Variants in ZCCHC2 observed in about 807,000 individuals in gnomAD.
ZCCHC2 encodes the protein zinc finger CCHC-type containing 2.
Under a neutral mutation model 103.6 loss-of-function variants are expected in ZCCHC2, and 39 were observed. That is an observed-to-expected ratio of 0.38 (90% CI 0.29 to 0.49). The LOEUF is 0.49. ZCCHC2 is among the 20% of genes least tolerant of loss of function. The pLI is 0.96. For synonymous variants in ZCCHC2, 687 were observed against 608.9 expected (o/e 1.13, Z -1.89); for missense variants, 1,483 against 1,491.0 (o/e 0.99, Z 0.09).
intron 1 of ZCCHC2, among the ~76,000 whole-genome samples, chr18:62,528,646 G>A (rs1179277225): frequency 1.3e-5 from 2 of 151,710 alleles, no homozygotes; most frequent in South Asian, 2.1e-4. Context: ...AGTTTAGTTA[G>A]CTAAATTGTA....
intron 1 of ZCCHC2, among the ~76,000 whole-genome samples, chr18:62,534,259 G>A (rs1468272774): frequency 6.6e-6 from 1 of 151,150 alleles, no homozygotes; most frequent in Non-Finnish European, 1.5e-5. Context: ...GAAGTGAGCC[G>A]TGATTGCGTT....
rs776848396 is a variant in ZCCHC2, at chr18:62,523,716, G to T, written c.292G>T (p.Val98Leu). The change falls in exon 1 of 14, where the codon GTA becomes TTA. Residue 98 changes from valine to leucine, a missense_variant. Physicochemically the swap from Val to Leu is conservative, Grantham distance 32 (BLOSUM62 1). This residue lies in a region of ZCCHC2 where 568 missense variants were observed against 525.1 expected (regional missense o/e 1.08). Transcript: ENST00000269499. ...PSAALREQER[V>L]YEWFGLVLGS... The stretch of plus-strand genomic sequence containing the variant: ...GGCGGCGCTGCGCGAGCAGGAGCGG[G>T]TATACGAGTGGTTCGGGCTGGTGCT... 7.9e-6 allele frequency: 12 copies of T among 1,513,830 alleles called. No individual in the cohort carries two copies. The highest frequency in any genetic ancestry group is 2.9e-5 in the African/African-American group (2 of 70,004). 93.8% of individuals were successfully genotyped at this position (1,513,830 alleles called of 1,614,324 possible). A position where few individuals can be genotyped will look rare whatever the true frequency, so the allele number is the denominator to read the frequency against.
In ZCCHC2 at chr18:62,563,172, T is replaced by C. The variant is rs2145521877; in HGVS notation, c.1686+28T>C. On this transcript the variant is annotated intron_variant, in intron 9 of 13. Coordinates refer to ENST00000269499, the MANE Select transcript of ZCCHC2 (RefSeq NM_017742.6). ...GTGTGGGGAGTTTGTTTTGGAGCTA[T>C]ATAGTTAAAGCATTGCTCCTCTATA... 1.9e-6 allele frequency: 3 copies of C among 1,599,104 alleles called. No homozygotes were observed. In the East Asian group the frequency reaches 6.7e-5, roughly 36 times the overall value.
In ZCCHC2 at chr18:62,523,609, C is replaced by T. The variant is rs1914169086; in HGVS notation, c.185C>T (p.Pro62Leu). Residue 62 changes from proline (P) to leucine (L), a missense_variant, in exon 1 of 14, where the codon CCG (proline) becomes CTG (leucine). This residue lies in a region of ZCCHC2 where 568 missense variants were observed against 525.1 expected (regional missense o/e 1.08). Transcript: ENST00000269499. ...GPSRGPLPPP[P>L]PPRGLGPPVA... ...TCGCGGGGCCCTCTGCCGCCGCCGC[C>T]GCCGCCCCGGGGACTCGGGCCGCCT... 2 of 1,144,946 alleles carry T rather than the reference C, an allele frequency of 1.7e-6. No homozygotes were observed. Among genetic ancestry groups the T allele is most frequent in the Non-Finnish European group, 2.1e-6 (2 of 933,788 alleles). 70.9% of individuals were successfully genotyped at this position (1,144,946 alleles called of 1,614,324 possible).
At chr18:62,578,626 G>T (rs1244837883), downstream of ZCCHC2, 2 of 152,552 alleles carry the variant, frequency 1.3e-5, no homozygotes, top group Non-Finnish European at 2.9e-5. Flanking sequence ...GTGGAGATAG[G>T]ACATCATACA....
intron 4 of ZCCHC2, among the ~76,000 whole-genome samples, chr18:62,548,376 G>A (rs1221788883): frequency 1.3e-5 from 2 of 152,172 alleles, no homozygotes; most frequent in African/African-American, 2.4e-5. Flanking sequence ...CTTACCTGCA[G>A]TCTGCCCAGC....
rs2145537431 is a variant in ZCCHC2, at chr18:62,575,011, C to G, written c.2930C>G (p.Thr977Arg). Residue 977 changes from threonine to arginine, a missense_variant, in exon 13 of 14, where the codon ACA (threonine) becomes AGA (arginine). Thr to Arg is a moderately conservative substitution (Grantham distance 71). Around this residue, in one of 3 missense-constraint regions of ZCCHC2, gnomAD observed 884 missense variants for 907.5 expected, o/e 0.97. Transcript: ENST00000269499. ...GCCCCGAGCCCAAGCCCTGCCTTGA[C>G]ACACAGTACCGCGCAGAGTGACAGC... Reference protein sequence around the residue: ...GPAPSPSPALTHSTAQSDSTS... With the variant: ...GPAPSPSPALRHSTAQSDSTS... 1 of 1,614,036 alleles carries G rather than the reference C, an allele frequency of 6.2e-7. No homozygotes were observed. The highest frequency in any genetic ancestry group is 2.2e-5 in the East Asian group (1 of 44,878).
In ZCCHC2 at chr18:62,575,322, G is replaced by A; in HGVS notation, c.3241G>A (p.Ala1081Thr). Reference protein sequence around the residue: ...LPFFLPQTPYANGLVHDPVMG... With the variant: ...LPFFLPQTPYTNGLVHDPVMG... ...TTTTTTTCTGCCTCAGACTCCATAT[G>A]CAAATGGACTGGTACATGACCCAGT... The change falls in exon 13 of 14, where the codon GCA (alanine) becomes ACA (threonine). Residue 1081 changes from alanine (A) to threonine (T), a missense_variant. By Grantham distance (58) the Ala-to-Thr change is moderately conservative (BLOSUM62 0). Around this residue, in one of 3 missense-constraint regions of ZCCHC2, gnomAD observed 884 missense variants for 907.5 expected, o/e 0.97. Transcript: ENST00000269499. 6.2e-7 allele frequency: 1 copy of A among 1,613,880 alleles called. No individual in the cohort carries two copies. Among genetic ancestry groups the A allele is most frequent in the Non-Finnish European group, 8.5e-7 (1 of 1,179,856 alleles).
chr18:62,528,455 C>T (rs533631245), intron 1 of ZCCHC2, among the ~76,000 whole-genome samples: 155 of 152,166 alleles, frequency 1.0e-3, no homozygotes, highest in African/African-American at 3.7e-3. Flanking sequence ...AAAAGTTAGC[C>T]GGGCATGGTG....
intron 3 of ZCCHC2, 83 bp from the exon 4 acceptor site, chr18:62,544,719 C>A: frequency 9.3e-7 from 1 of 1,076,026 alleles, no homozygotes; most frequent in South Asian, 1.6e-5. Flanking sequence ...TAAGTAAGGC[C>A]CTTTGTTTTT....
intron 12 of ZCCHC2, among the ~76,000 whole-genome samples, chr18:62,571,670 G>T (rs1916604345): frequency 6.6e-6 from 1 of 152,174 alleles, no homozygotes; most frequent in African/African-American, 2.4e-5. Flanking sequence ...ACGTCTGATT[G>T]GTAACACCTT....
chr18:62,586,603 G>A (rs1052317), exon 15 of ZCCHC2: 112,305 of 151,958 alleles, frequency 0.74, 42,096 homozygotes, highest in East Asian at 1. Flanking sequence ...ACCCACCACC[G>A]ACAAGCTAAG....
rs1335466874 is a variant in ZCCHC2 at position 62,574,306 on chromosome 18, C to T, written c.2225C>T (p.Pro742Leu). 6.2e-7 allele frequency: 1 copy of T among 1,613,938 alleles called. No homozygotes were observed. Among genetic ancestry groups the T allele is most frequent in the Non-Finnish European group, 8.5e-7 (1 of 1,179,912 alleles). Reference protein sequence around the residue: ...KSEVVVPAPKPADGKTIGMLV... With the variant: ...KSEVVVPAPKLADGKTIGMLV... ...GAAGTTGTCGTTCCTGCACCCAAAC[C>T]CGCTGATGGCAAAACCATAGGGATG... is the stretch of plus-strand genomic sequence containing the variant. The change falls in exon 13 of 14, where the codon CCC (proline) becomes CTC (leucine). Residue 742 changes from proline to leucine, a missense_variant. By Grantham distance (98) the Pro-to-Leu change is moderately conservative. Transcript: ENST00000269499.
chr18:62,541,952 A>G (rs1915208933), intron 2 of ZCCHC2, among the ~76,000 whole-genome samples: 1 of 152,186 alleles, frequency 6.6e-6, no homozygotes, highest in African/African-American at 2.4e-5. Context: ...TGTTCAGTTT[A>G]TATTTATCAT....
intron 5 of ZCCHC2, chr18:62,551,914 A>C (rs1915679994): frequency 6.6e-6 from 1 of 152,104 alleles, no homozygotes; most frequent in Non-Finnish European, 1.5e-5. Flanking sequence ...TGGAAAGCCG[A>C]TTTCCTGAGG....
chr18:62,583,156 A>G (rs1191084647), downstream of ZCCHC2, among the ~76,000 whole-genome samples: 2 of 152,038 alleles, frequency 1.3e-5, no homozygotes, highest in Admixed American at 1.3e-4. Context: ...GGTAGGAGTG[A>G]TGGCAGTGAT....
At chr18:62,528,111 C>G (rs953065697) in intron 1 of ZCCHC2, among the ~76,000 whole-genome samples, 26 of 152,302 alleles carry the variant, frequency 1.7e-4, no homozygotes, top group Admixed American at 6.5e-4. Context: ...ATCTTCAAAG[C>G]TTAATTGCTT....
chr18:62,579,208 T>C (rs561786196), downstream of ZCCHC2, among the ~76,000 whole-genome samples: 19 of 152,356 alleles, frequency 1.2e-4, no homozygotes, highest in Admixed American at 1.2e-3. Context: ...TGAGCTCGTA[T>C]TTCCAGTTTA....
intron 11 of ZCCHC2, among the ~76,000 whole-genome samples, chr18:62,566,992 T>C (rs1916394434): frequency 6.6e-6 from 1 of 152,218 alleles, no homozygotes; most frequent in African/African-American, 2.4e-5. Flanking sequence ...TTCCTTAATT[T>C]TCAAGTGTTA....
Sources: gnomAD v4.1 joint callset for allele counts (sites outside exome capture counted in the v4.1 genomes callset) on GRCh38, gnomAD v4.1.1 for gene constraint, gnomAD v4.1.1 regional missense constraint, MANE v1.5 for transcripts, NCBI Gene and HGNC (gene_info 2026-07-23, HGNC 2026-07-21) for gene names.